Variants in ADGRB3 observed in about 807,000 individuals in gnomAD.
ADGRB3 encodes the protein adhesion G protein-coupled receptor B3, also known as brain-specific angiogenesis inhibitor 3.
ADGRB3 carries 37 observed loss-of-function variants against 193.4 expected under a neutral mutation model. The observed-to-expected ratio is 0.19, with a 90% CI of 0.15 to 0.25. ADGRB3 has a LOEUF of 0.25. Among genes scored for constraint, ADGRB3 ranks in the 10% least tolerant of loss-of-function variants. The pLI is 1.00. For synonymous variants in ADGRB3, 690 were observed against 644.2 expected (o/e 1.07, Z -1.08); for missense variants, 1,637 against 1,852.9 (o/e 0.88, Z 2.14).
At chr6:69,099,500 AG>A (rs1772972856) in intron 17 of ADGRB3, among the ~76,000 whole-genome samples, 1 of 152,220 alleles carries the variant, frequency 6.6e-6, no homozygotes, top group African/African-American at 2.4e-5. Context: ...CTTATGCATG[AG>A]TACAAAGTTT....
intron 28 of ADGRB3, among the ~76,000 whole-genome samples, chr6:69,359,045 A>G (rs1463306772): frequency 6.6e-6 from 1 of 151,728 alleles, no homozygotes; most frequent in Non-Finnish European, 1.5e-5. Flanking sequence ...AATTTAAATT[A>G]TAGAGTCAAT....
intron 17 of ADGRB3, among the ~76,000 whole-genome samples, chr6:69,164,560 T>C (rs1775083058): frequency 6.6e-6 from 1 of 152,070 alleles, no homozygotes; most frequent in South Asian, 2.1e-4. Context: ...GTCTTGTTAT[T>C]ATTAAAGGTA....
intron 20 of ADGRB3, among the ~76,000 whole-genome samples, chr6:69,286,916 T>C (rs866557620): frequency 1.7e-4 from 26 of 152,350 alleles, no homozygotes; most frequent in African/African-American, 6.3e-4. Context: ...TCTGATGAGT[T>C]TAATGTTAGT....
intron 3 of ADGRB3, among the ~76,000 whole-genome samples, chr6:68,739,314 T>C (rs1283114683): frequency 6.6e-6 from 1 of 152,178 alleles, no homozygotes; most frequent in Admixed American, 6.5e-5. Context: ...ATTGGCAAGG[T>C]ATGTGTGGTC....
chr6:68,658,862 C>T (rs948162461), intron 3 of ADGRB3, among the ~76,000 whole-genome samples: 3 of 150,960 alleles, frequency 2.0e-5, no homozygotes, highest in Non-Finnish European at 4.5e-5. Flanking sequence ...CAAAATAAAA[C>T]TAGAATTACA....
chr6:69,159,810 T>C (rs1194318650), intron 17 of ADGRB3, among the ~76,000 whole-genome samples: 1 of 152,148 alleles, frequency 6.6e-6, no homozygotes, highest in Admixed American at 6.6e-5. Flanking sequence ...CACATGGACA[T>C]CTCTTGAATA....
At chr6:69,223,859 G>A (rs544284024) in intron 17 of ADGRB3, among the ~76,000 whole-genome samples, 1 of 151,800 alleles carries the variant, frequency 6.6e-6, no homozygotes, top group Non-Finnish European at 1.5e-5. Flanking sequence ...ATTTCACTAT[G>A]TTGCTCAGGC....
chr6:68,935,354 A>C (rs1434616409), intron 4 of ADGRB3, among the ~76,000 whole-genome samples: 4 of 152,180 alleles, frequency 2.6e-5, no homozygotes, highest in Non-Finnish European at 4.4e-5. Context: ...CTTGAGTAGC[A>C]CTGCAAATAA....
chr6:68,645,563 T>C (rs1457162921), intron 3 of ADGRB3, among the ~76,000 whole-genome samples: 1 of 152,210 alleles, frequency 6.6e-6, no homozygotes, highest in African/African-American at 2.4e-5. Context: ...GTGACTGAGC[T>C]TGACTAATTA....
chr6:69,059,088 A>C (rs908171669), intron 15 of ADGRB3, among the ~76,000 whole-genome samples: 3 of 151,958 alleles, frequency 2.0e-5, no homozygotes, highest in African/African-American at 7.2e-5. Context: ...GTTACTATTT[A>C]TTTCTTTCCT....
chr6:68,956,129 G>A lies in ADGRB3; in HGVS notation c.1301G>A (p.Gly434Asp), dbSNP rs1768064736. 1 of 1,613,790 alleles carries A rather than the reference G, an allele frequency of 6.2e-7. No individual in the cohort carries two copies. Among genetic ancestry groups the A allele is most frequent in the African/African-American group, 1.3e-5 (1 of 74,914 alleles). The change falls in exon 7 of 32, where the codon GGC becomes GAC. Residue 434 changes from glycine (G) to aspartate (D), a missense_variant. Gly to Asp is a moderately conservative substitution (Grantham distance 94). Transcript: ENST00000370598. Reference protein sequence around the residue: ...SRQCTAAAHGGSECRGPWAES... With the variant: ...SRQCTAAAHGDSECRGPWAES... ...CAGTGCACTGCAGCTGCCCATGGAGGCTCCGAATGCAGAGGGCCATGGGCA... is the reference window on the plus strand; with the variant it reads ...CAGTGCACTGCAGCTGCCCATGGAGACTCCGAATGCAGAGGGCCATGGGCA...
intron 20 of ADGRB3, among the ~76,000 whole-genome samples, chr6:69,251,721 A>G (rs1317706273): frequency 6.6e-6 from 1 of 152,198 alleles, no homozygotes; most frequent in African/African-American, 2.4e-5. Context: ...AATGATTCCC[A>G]CAGTCAAGTT....
At chr6:68,720,391 T>A (rs189464912) in intron 3 of ADGRB3, among the ~76,000 whole-genome samples, 1 of 151,856 alleles carries the variant, frequency 6.6e-6, no homozygotes, top group Admixed American at 6.6e-5. Flanking sequence ...ATAATTGTAT[T>A]TTTTTCTTAT....
chr6:68,718,160 A>G (rs180954668), intron 3 of ADGRB3, among the ~76,000 whole-genome samples: 2 of 151,792 alleles, frequency 1.3e-5, no homozygotes, highest in Admixed American at 1.3e-4. Flanking sequence ...TTAAATTATT[A>G]AGGAAGGGTG....
intron 3 of ADGRB3, among the ~76,000 whole-genome samples, chr6:68,696,328 T>C (rs1418446300): frequency 3.3e-5 from 5 of 151,856 alleles, no homozygotes; most frequent in Admixed American, 6.6e-5. Context: ...TACAAAGGCC[T>C]ATATAATAAT....
intron 22 of ADGRB3, among the ~76,000 whole-genome samples, chr6:69,330,279 C>T (rs1174833187): frequency 6.6e-6 from 1 of 152,116 alleles, no homozygotes; most frequent in Non-Finnish European, 1.5e-5. Context: ...GAAAGTAAAA[C>T]CTTGTAATAA....
chr6:68,745,012 G>A (rs1031328585), intron 3 of ADGRB3, among the ~76,000 whole-genome samples: 5 of 152,046 alleles, frequency 3.3e-5, no homozygotes, highest in Non-Finnish European at 7.4e-5. Context: ...AAGTGCCCCA[G>A]GTCTCCTATT....
intron 3 of ADGRB3, among the ~76,000 whole-genome samples, chr6:68,767,711 A>G (rs776927972): frequency 6.6e-6 from 1 of 152,144 alleles, no homozygotes; most frequent in Non-Finnish European, 1.5e-5. Context: ...CAAGAGAAAG[A>G]AATAAAGGGT....
chr6:69,089,755 T>G (rs902014376), intron 17 of ADGRB3, among the ~76,000 whole-genome samples: 6 of 152,192 alleles, frequency 3.9e-5, no homozygotes, highest in Non-Finnish European at 7.3e-5. Flanking sequence ...CTCTACCAAG[T>G]AGGAGCATCT....
Sources: allele counts gnomAD v4.1 joint callset (sites outside exome capture counted in the v4.1 genomes callset), GRCh38; gene constraint gnomAD v4.1.1; transcripts MANE v1.5; gene names NCBI Gene and HGNC (gene_info 2026-07-23, HGNC 2026-07-21).